Variants in ARHGAP26 observed in about 807,000 individuals in gnomAD.
ARHGAP26 encodes the protein Rho GTPase activating protein 26.
A neutral mutation model predicts 104.8 loss-of-function variants in ARHGAP26; 38 were observed. The ratio of observed to expected loss-of-function variants is 0.36; its 90% confidence interval spans 0.28 to 0.48. ARHGAP26 has a LOEUF of 0.48. ARHGAP26 is among the 20% of genes least tolerant of loss of function. ARHGAP26 has a pLI of 0.99. For missense variants in ARHGAP26, 704 were observed against 947.9 expected, an observed-to-expected ratio of 0.74 and a Z score of 3.38; for synonymous variants, 341 against 340.0, an observed-to-expected ratio of 1.00 and a Z score of -0.03.
At chr5:142,802,203 A>T (rs1266544002) in intron 1 of ARHGAP26, among the ~76,000 whole-genome samples, 1 of 152,196 alleles carries the variant, frequency 6.6e-6, no homozygotes, top group Non-Finnish European at 1.5e-5. Context: ...CTATAAACAG[A>T]TGTGTGGAAG....
chr5:142,934,016 C>T (rs1765083527), intron 11 of ARHGAP26, among the ~76,000 whole-genome samples: 1 of 152,130 alleles, frequency 6.6e-6, no homozygotes. Flanking sequence ...CCAGGAAGAA[C>T]AATCCTGTAT....
intron 9 of ARHGAP26, among the ~76,000 whole-genome samples, chr5:142,912,408 C>T (rs1008711303): frequency 6.6e-6 from 1 of 152,098 alleles, no homozygotes; most frequent in Non-Finnish European, 1.5e-5. Context: ...TGGGGATGTA[C>T]TAGGAGGAGG....
chr5:142,837,965 A>C (rs1349148967), intron 1 of ARHGAP26, among the ~76,000 whole-genome samples: 3 of 152,176 alleles, frequency 2.0e-5, no homozygotes, highest in African/African-American at 7.2e-5. Flanking sequence ...CAGGTATGAC[A>C]TGTTGAGGGT....
At chr5:142,955,095 TACACACACACACAC>T (rs11419144) in intron 11 of ARHGAP26, among the ~76,000 whole-genome samples, 15 of 52,622 alleles carry the variant, frequency 2.9e-4, no homozygotes, top group African/African-American at 5.7e-4. Context: ...GAGACCTGTC[TACACACACACACAC>T]ACACACACAC....
intron 1 of ARHGAP26, among the ~76,000 whole-genome samples, chr5:142,828,692 T>G (rs1243603820): frequency 3.9e-5 from 6 of 152,224 alleles, no homozygotes; most frequent in African/African-American, 1.2e-4. Flanking sequence ...ACGGTTGCTG[T>G]GACTGGGGTA....
intron 21 of ARHGAP26, among the ~76,000 whole-genome samples, chr5:143,208,518 A>G (rs540676958): frequency 1.1e-4 from 16 of 152,336 alleles, no homozygotes; most frequent in Middle Eastern, 3.4e-3. Context: ...TTACACATCT[A>G]TCATTTCATT....
At chr5:143,064,956 CTTGT>C (rs1787272568) in intron 17 of ARHGAP26, among the ~76,000 whole-genome samples, 1 of 152,102 alleles carries the variant, frequency 6.6e-6, no homozygotes, top group African/African-American at 2.4e-5. Flanking sequence ...ATTTGGGTCT[CTTGT>C]TTGTTTTGAG....
intron 11 of ARHGAP26, among the ~76,000 whole-genome samples, chr5:143,004,037 A>AG (rs1172705532): frequency 1.5e-5 from 2 of 137,286 alleles, no homozygotes; most frequent in Non-Finnish European, 3.3e-5. Flanking sequence ...AAAAAAAAAA[A>AG]AGGAAAGTGA....
intron 1 of ARHGAP26, among the ~76,000 whole-genome samples, chr5:142,844,432 G>A (rs1437882597): frequency 6.6e-6 from 1 of 150,946 alleles, no homozygotes; most frequent in Admixed American, 6.6e-5. Flanking sequence ...TTCTTTTTGA[G>A]GGTAGTGTCA....
chr5:142,876,776 CAAAAAA>C (rs34843524), intron 3 of ARHGAP26, among the ~76,000 whole-genome samples: 999 of 48,470 alleles, frequency 0.021, 16 homozygotes, highest in African/African-American at 0.065. Context: ...GACCCTGTGT[CAAAAAA>C]AAAAAAAAAA....
intron 10 of ARHGAP26, among the ~76,000 whole-genome samples, chr5:142,918,949 T>G (rs1762850867): frequency 6.6e-6 from 1 of 152,224 alleles, no homozygotes; most frequent in African/African-American, 2.4e-5. Context: ...ATTAATAATA[T>G]GATATGGCTT....
At chr5:143,104,120 T>A (rs1034233312) in intron 17 of ARHGAP26, among the ~76,000 whole-genome samples, 1 of 149,686 alleles carries the variant, frequency 6.7e-6, no homozygotes, top group Admixed American at 6.6e-5. Flanking sequence ...AAAGGAAAAA[T>A]AAAGGTCCTA....
chr5:142,927,389 A>G (rs1324326998), intron 10 of ARHGAP26, among the ~76,000 whole-genome samples: 1 of 151,302 alleles, frequency 6.6e-6, no homozygotes, highest in African/African-American at 2.4e-5. Context: ...TTTTGCAAGT[A>G]TTTGAACATC....
At chr5:142,843,725 T>C (rs909816199) in intron 1 of ARHGAP26, among the ~76,000 whole-genome samples, 1 of 152,256 alleles carries the variant, frequency 6.6e-6, no homozygotes, top group African/African-American at 2.4e-5. Context: ...CATTGAATTA[T>C]AAGTCAGGTT....
At chr5:142,970,787 C>G (rs1772152183) in intron 11 of ARHGAP26, among the ~76,000 whole-genome samples, 1 of 152,144 alleles carries the variant, frequency 6.6e-6, no homozygotes, top group Non-Finnish European at 1.5e-5. Flanking sequence ...CAGTAATCTA[C>G]TAATAGAAGT....
At chr5:143,092,921 A>G (rs914500014) in intron 17 of ARHGAP26, among the ~76,000 whole-genome samples, 4 of 152,036 alleles carry the variant, frequency 2.6e-5, no homozygotes, top group African/African-American at 9.7e-5. Context: ...CTGAATACCC[A>G]CTGTGTCTTT....
intron 20 of ARHGAP26, among the ~76,000 whole-genome samples, chr5:143,190,131 C>G (rs1378856359): frequency 1.3e-5 from 2 of 151,970 alleles, no homozygotes; most frequent in African/African-American, 4.8e-5. Context: ...AAATCCTTCA[C>G]CAAAGAGGTA....
chr5:142,971,572 CTT>C lies in ARHGAP26; in HGVS notation c.1107+39450_1107+39451del, dbSNP rs201359687. Among the ~76,000 whole-genome samples the C allele has an allele frequency of 5.3e-3, 804 of 152,166 alleles. 10 individuals carry two copies. Among genetic ancestry groups the C allele is most frequent in the African/African-American group, 0.018 (746 of 41,522 alleles). On this transcript the variant is annotated intron_variant, in intron 11 of 22. Coordinates refer to ENST00000645722, the MANE Select transcript of ARHGAP26 (RefSeq NM_001135608.3). Reference sequence around the variant, plus strand: ...AGTCTTCTGGTAGTGCTAGACTACTCTTTTCTGTACCTGCTGATTTTTTTTTA... The same window carrying C: ...AGTCTTCTGGTAGTGCTAGACTACTCTTCTGTACCTGCTGATTTTTTTTTA...
chr5:143,092,170 G>GTTT lies in ARHGAP26; in HGVS notation c.1539-28807_1539-28805dup, dbSNP rs70991792. Among the ~76,000 whole-genome samples the GTTT allele has an allele frequency of 3.2e-4, 42 of 131,256 alleles. 1 individual carries two copies. The highest frequency in any genetic ancestry group is 4.1e-4 in the Admixed American group (5 of 12,298). 86.1% of individuals were successfully genotyped at this position (131,256 alleles called of 152,430 possible). On this transcript the variant is annotated intron_variant, in intron 17 of 22. Transcript: ENST00000645722. ...CAAACATCCCTTTGTTTTTTTTTTT[G>GTTT]TTTTTTTTTTTTTGAGATGGAGTCT...
Sources: gnomAD v4.1 joint callset for allele counts (sites outside exome capture counted in the v4.1 genomes callset) on GRCh38, gnomAD v4.1.1 for gene constraint, MANE v1.5 for transcripts, NCBI Gene and HGNC (gene_info 2026-07-23, HGNC 2026-07-21) for gene names.